The following COL25A1 variants were observed in gnomAD, a reference collection of about 807,000 sequenced individuals.
COL25A1 encodes collagen alpha-1(XXV) chain.
COL25A1 carries 103 observed loss-of-function variants against 128.4 expected under a neutral mutation model. The observed-to-expected ratio is 0.80, with a 90% CI of 0.68 to 0.94. COL25A1 has a LOEUF of 0.94. Ranked by LOEUF, COL25A1 falls within the 40% of genes least tolerant of loss-of-function variation. COL25A1 has a pLI of 0.00. For missense variants in COL25A1, 745 were observed against 840.0 expected, an observed-to-expected ratio of 0.89 and a Z score of 1.40; for synonymous variants, 279 against 277.2, an observed-to-expected ratio of 1.01 and a Z score of -0.06.
At chr4:108,848,838 C>A (rs373591703) in intron 26 of COL25A1, 35 bp from the exon 27 acceptor site, 20 of 1,555,554 alleles carry the variant, frequency 1.3e-5, no homozygotes, top group Admixed American at 1.7e-5. Context: ...TGCCTCCATT[C>A]TCATTGGTAA....
At chr4:109,051,646 C>CAG (rs1761007041) in intron 3 of COL25A1, among the ~76,000 whole-genome samples, 1 of 151,578 alleles carries the variant, frequency 6.6e-6, no homozygotes, top group Non-Finnish European at 1.5e-5. Flanking sequence ...CACACACACA[C>CAG]ACAGACATAA....
chr4:108,889,637 T>A, intron 17 of COL25A1, 64 bp downstream of exon 17: 1 of 1,399,742 alleles, frequency 7.1e-7, no homozygotes, highest in South Asian at 1.2e-5. Flanking sequence ...GGAGAGAAAG[T>A]AGAGGCCTAT....
At chr4:109,077,911 T>C (rs1402930036) in intron 3 of COL25A1, among the ~76,000 whole-genome samples, 1 of 152,252 alleles carries the variant, frequency 6.6e-6, no homozygotes, top group African/African-American at 2.4e-5. Context: ...TCAGAGTAGT[T>C]TGAAATATAG....
chr4:109,059,851 A>G (rs912081256), intron 3 of COL25A1, among the ~76,000 whole-genome samples: 1 of 152,210 alleles, frequency 6.6e-6, no homozygotes, highest in African/African-American at 2.4e-5. Flanking sequence ...ACATAGTTAA[A>G]TGTTAAATGG....
intron 3 of COL25A1, among the ~76,000 whole-genome samples, chr4:109,091,443 A>G (rs1764898308): frequency 6.6e-6 from 1 of 152,262 alleles, no homozygotes; most frequent in African/African-American, 2.4e-5. Flanking sequence ...TTTAATTCTC[A>G]ATTATCATGC....
chr4:109,049,022 C>A (rs1004827303), intron 4 of COL25A1, among the ~76,000 whole-genome samples: 3 of 151,772 alleles, frequency 2.0e-5, no homozygotes, highest in African/African-American at 7.3e-5. Context: ...TAGCTTTTGA[C>A]AATACTCTTT....
At chr4:109,033,043 A>C (rs974334576) in intron 5 of COL25A1, among the ~76,000 whole-genome samples, 3 of 152,264 alleles carry the variant, frequency 2.0e-5, no homozygotes, top group African/African-American at 4.8e-5. Flanking sequence ...TCCATAAAGG[A>C]TGGAAAGCCA....
chr4:108,841,852 C>T, intron 30 of COL25A1, 131 bp from the exon 31 acceptor site: 1 of 726,292 alleles, frequency 1.4e-6, no homozygotes. Flanking sequence ...TAGAGGCAGG[C>T]TAGTGGATGT....
At chr4:109,039,962 T>C (rs1282006752) in intron 5 of COL25A1, among the ~76,000 whole-genome samples, 1 of 152,222 alleles carries the variant, frequency 6.6e-6, no homozygotes, top group Non-Finnish European at 1.5e-5. Context: ...TATGTGTGTA[T>C]ATCTTTGAGG....
intron 3 of COL25A1, among the ~76,000 whole-genome samples, chr4:109,211,228 G>GTA (rs1454708533): frequency 5.9e-5 from 6 of 101,258 alleles, no homozygotes; most frequent in African/African-American, 4.1e-4. Flanking sequence ...TATATTGTGT[G>GTA]TGTGTATGTA....
In COL25A1 at chr4:108,891,019, C is replaced by A. The variant is rs145224595; in HGVS notation, c.907-1286G>T. Among the ~76,000 whole-genome samples, 260 of 152,288 alleles carry A rather than the reference C, an allele frequency of 1.7e-3. 1 individual carries two copies. The highest frequency in any genetic ancestry group is 2.2e-3 in the Non-Finnish European group (149 of 68,024). On this transcript the variant is annotated intron_variant, in intron 16 of 37. Transcript: ENST00000399132. ...TCTAATTGGCTATTTATGTTCCCTG[C>A]CTATTCATTGTCTATCTCTCTGTTA... is the stretch of plus-strand genomic sequence containing the variant.
At chr4:109,046,051 C>T (rs1760395694) in intron 5 of COL25A1, among the ~76,000 whole-genome samples, 1 of 152,108 alleles carries the variant, frequency 6.6e-6, no homozygotes, top group Non-Finnish European at 1.5e-5. Context: ...AAGTGGTAAA[C>T]TGAATCGATT....
chr4:108,814,784 A>C (rs530657983), intron 37 of COL25A1, among the ~76,000 whole-genome samples: 1 of 152,186 alleles, frequency 6.6e-6, no homozygotes, highest in Admixed American at 6.5e-5. Flanking sequence ...GCTTGACTTA[A>C]AATTCAAATT....
intron 27 of COL25A1, among the ~76,000 whole-genome samples, chr4:108,846,559 A>G (rs1357979615): frequency 1.3e-5 from 2 of 152,206 alleles, no homozygotes; most frequent in Admixed American, 1.3e-4. Context: ...CTTAATTCTC[A>G]ACAATACAGG....
intron 21 of COL25A1, 70 bp from the exon 22 acceptor site, chr4:108,862,615 T>G: frequency 7.8e-7 from 1 of 1,279,866 alleles, no homozygotes; most frequent in Non-Finnish European, 1.1e-6. Context: ...AAATAGAAAT[T>G]AGCAGTGACT....
At chr4:108,912,367 T>C (rs1252071965) in intron 13 of COL25A1, among the ~76,000 whole-genome samples, 1 of 152,044 alleles carries the variant, frequency 6.6e-6, no homozygotes, top group African/African-American at 2.4e-5. Context: ...AACTGAAAAA[T>C]TAAAAAATAT....
At chr4:109,168,589 A>G (rs1773287295) in intron 3 of COL25A1, among the ~76,000 whole-genome samples, 1 of 152,188 alleles carries the variant, frequency 6.6e-6, no homozygotes, top group South Asian at 2.1e-4. Context: ...TTCTAAACTC[A>G]AAATATACCG....
intron 3 of COL25A1, among the ~76,000 whole-genome samples, chr4:109,277,901 C>T (rs1158126902): frequency 5.9e-5 from 9 of 151,978 alleles, no homozygotes; most frequent in African/African-American, 1.7e-4. Context: ...TTTGGGAGGC[C>T]GAGGCAGGTG....
At chr4:109,301,609 C>T in intron 2 of COL25A1, 114 bp downstream of exon 2, 1 of 1,213,698 alleles carries the variant, frequency 8.2e-7, no homozygotes, top group Non-Finnish European at 1.2e-6. Flanking sequence ...CACGCGCGCG[C>T]ACACACACAG....
Sources: allele counts gnomAD v4.1 joint callset (sites outside exome capture counted in the v4.1 genomes callset), GRCh38; gene constraint gnomAD v4.1.1; transcripts MANE v1.5; gene names NCBI Gene and HGNC (gene_info 2026-07-23, HGNC 2026-07-21).